The following MACROD2 variants were observed in gnomAD, a reference collection of about 807,000 sequenced individuals.
MACROD2 encodes mono-ADP ribosylhydrolase 2.
A neutral mutation model predicts 70.4 loss-of-function variants in MACROD2; 36 were observed. That is an observed-to-expected ratio of 0.51 (90% CI 0.39 to 0.68). MACROD2 has a LOEUF of 0.68. Among genes scored for constraint, MACROD2 ranks in the 30% least tolerant of loss-of-function variants. The pLI is 0.00. For synonymous variants in MACROD2, 172 were observed against 178.8 expected (o/e 0.96, Z 0.30); for missense variants, 496 against 538.4 (o/e 0.92, Z 0.78).
chr20:14,997,055 C>T (rs2074956083), intron 5 of MACROD2, among the ~76,000 whole-genome samples: 1 of 152,172 alleles, frequency 6.6e-6, no homozygotes, highest in African/African-American at 2.4e-5. Flanking sequence ...TAGTGAGACA[C>T]AAGCTGAGGC....
rs182890878 is a variant in MACROD2 at position 14,488,896 on chromosome 20, C to A, written c.272-4583C>A. On this transcript the variant is annotated intron_variant, in intron 3 of 17. Transcript: ENST00000684519. ...CAAACCAGGACCAGCTGTAGCTCCTCCCTTGTACTTTAACAACAGTAATTC... is the reference window on the plus strand; with the variant it reads ...CAAACCAGGACCAGCTGTAGCTCCTACCTTGTACTTTAACAACAGTAATTC... 5.3e-4 allele frequency among the ~76,000 whole-genome samples: 80 copies of A among 152,284 alleles called. 1 individual carries two copies. Among genetic ancestry groups the A allele is most frequent in the African/African-American group, 1.8e-3 (74 of 41,564 alleles).
chr20:14,873,403 T>C (rs2073512154), intron 5 of MACROD2, among the ~76,000 whole-genome samples: 1 of 152,174 alleles, frequency 6.6e-6, no homozygotes, highest in Non-Finnish European at 1.5e-5. Flanking sequence ...CGACTTTTGC[T>C]AGATGTAGCT....
intron 5 of MACROD2, among the ~76,000 whole-genome samples, chr20:15,103,830 G>A (rs190443735): frequency 2.5e-3 from 376 of 152,232 alleles, no homozygotes; most frequent in Non-Finnish European, 3.9e-3. Flanking sequence ...GCAGCCGTGA[G>A]CAGAACTGAA....
rs549046711 is a variant in MACROD2, at chr20:15,818,868, C to T, written c.646-43877C>T. 6.6e-5 allele frequency among the ~76,000 whole-genome samples: 10 copies of T among 152,220 alleles called. No homozygotes were observed. The East Asian group carries it at 7.7e-4, about 12-fold the overall frequency. ...GTTTGTTTCTCTCACCAAGAAGTCA[C>T]GAACTGTGGCTTTTTTTGGTTATGC... On this transcript the variant is annotated intron_variant, in intron 8 of 17. Coordinates refer to ENST00000684519, the MANE Select transcript of MACROD2 (RefSeq NM_001351661.2).
intron 4 of MACROD2, among the ~76,000 whole-genome samples, chr20:14,586,583 C>A (rs1315761958): frequency 5.3e-5 from 8 of 151,998 alleles, no homozygotes. Flanking sequence ...TTAACTGATT[C>A]TGAATAAAGA....
rs753771570 is a variant in MACROD2, at chr20:15,937,505, C to T, written c.868C>T (p.Pro290Ser). 7.4e-6 allele frequency: 12 copies of T among 1,613,370 alleles called. No homozygotes were observed. Among genetic ancestry groups the T allele is most frequent in the Non-Finnish European group, 1.0e-5 (12 of 1,179,540 alleles). ...DGVNTVTVPG[P>S]ASEEAVEDCK... ...TGTCAACACTGTCACTGTGCCCGGCCCTGCTTCAGAAGAGGCAGTTGAAGA... is the reference window on the plus strand; with the variant it reads ...TGTCAACACTGTCACTGTGCCCGGCTCTGCTTCAGAAGAGGCAGTTGAAGA... The change falls in exon 12 of 18, where the codon CCT becomes TCT. Residue 290 changes from proline (P) to serine (S), a missense_variant. By Grantham distance (74) the Pro-to-Ser change is moderately conservative. Transcript: ENST00000684519.
chr20:14,192,577 A>G (rs2081397426), intron 3 of MACROD2, among the ~76,000 whole-genome samples: 1 of 152,040 alleles, frequency 6.6e-6, no homozygotes, highest in Non-Finnish European at 1.5e-5. Flanking sequence ...CTGTTTAGGG[A>G]CTTTGGCCAT....
At chr20:15,500,559 T>C (rs919675616) in intron 8 of MACROD2, among the ~76,000 whole-genome samples, 2 of 152,232 alleles carry the variant, frequency 1.3e-5, no homozygotes, top group South Asian at 2.1e-4. Flanking sequence ...CACAGTCTTA[T>C]GCATTTTTCT....
chr20:15,507,701 C>T (rs576196106), intron 8 of MACROD2, among the ~76,000 whole-genome samples: 1 of 152,266 alleles, frequency 6.6e-6, no homozygotes, highest in South Asian at 2.1e-4. Flanking sequence ...TGTCACCATA[C>T]ACTGCCACAC....
intron 13 of MACROD2, among the ~76,000 whole-genome samples, chr20:15,972,568 G>A (rs111995325): frequency 0.012 from 1,788 of 152,294 alleles, 33 homozygotes; most frequent in African/African-American, 0.04. Context: ...CCAGCACTTT[G>A]GAAGGCTGAG....
chr20:14,453,674 G>A (rs62204402), intron 3 of MACROD2, among the ~76,000 whole-genome samples: 23,618 of 151,696 alleles, frequency 0.16, 2,623 homozygotes, highest in Non-Finnish European at 0.23. Context: ...TGTATTCCTC[G>A]TTATAAATGG....
rs373993185 is a variant in MACROD2 at position 16,041,230 on chromosome 20, G to A, written c.1183G>A (p.Gly395Arg). Residue 395 changes from glycine (G) to arginine (R), a missense_variant, in exon 16 of 18, where the codon GGG becomes AGG. Coordinates refer to ENST00000684519, the MANE Select transcript of MACROD2 (RefSeq NM_001351661.2). ...APGEDTPRMPGKSEGSSDLEN... is the reference protein window; with the variant it reads ...APGEDTPRMPRKSEGSSDLEN... ...AGGCGAGGACACACCTAGGATGCCT[G>A]GGAAAAGTGAAGGCTCCAGTGACCT... 9 of 1,612,094 alleles carry A rather than the reference G, an allele frequency of 5.6e-6. No homozygotes were observed. Among genetic ancestry groups the A allele is most frequent in the African/African-American group, 1.3e-5 (1 of 74,838 alleles).
At chr20:14,302,545 C>T (rs1461247682) in intron 3 of MACROD2, among the ~76,000 whole-genome samples, 1 of 152,080 alleles carries the variant, frequency 6.6e-6, no homozygotes, top group East Asian at 1.9e-4. Context: ...ACTTGCTTTA[C>T]ATGAGTGATT....
chr20:14,367,607 A>G (rs543609058), intron 3 of MACROD2, among the ~76,000 whole-genome samples: 34 of 152,186 alleles, frequency 2.2e-4, no homozygotes, highest in Admixed American at 2.0e-3. Flanking sequence ...AACTTCTTCT[A>G]TGATTTTGAT....
At position 14,472,045 on chromosome 20, in the gene MACROD2, C is replaced by A. The variant is rs530732435; in HGVS notation, c.272-21434C>A. Among the ~76,000 whole-genome samples the A allele has an allele frequency of 1.1e-4, 17 of 152,186 alleles. 1 individual carries two copies. Among genetic ancestry groups the A allele is most frequent in the Non-Finnish European group, 2.4e-4 (16 of 67,984 alleles). On this transcript the variant is annotated intron_variant, in intron 3 of 17. Transcript: ENST00000684519. ...TTATTAAAAGTATTTCCTTAAGAAC[C>A]AACTCAGGAAATCTTAATTAGCATT... is the stretch of plus-strand genomic sequence containing the variant.
intron 6 of MACROD2, among the ~76,000 whole-genome samples, chr20:15,346,102 T>TA (rs57491653): frequency 8.3e-6 from 1 of 120,656 alleles, no homozygotes; most frequent in Non-Finnish European, 1.9e-5. Flanking sequence ...TGGCCTAAGG[T>TA]AAAAATTTTT....
At chr20:14,895,313 AT>A in intron 5 of MACROD2, 1 of 152,272 alleles carries the variant, frequency 6.6e-6, no homozygotes, top group Non-Finnish European at 1.5e-5. Context: ...GGCCTGAGTT[AT>A]TGCTCTTCTA....
At chr20:15,510,384 A>G (rs1282407306) in intron 8 of MACROD2, among the ~76,000 whole-genome samples, 3 of 152,140 alleles carry the variant, frequency 2.0e-5, no homozygotes, top group Non-Finnish European at 4.4e-5. Context: ...CTCTACCTTG[A>G]TGGACTAGGA....
chr20:14,730,624 G>A (rs6110409), intron 5 of MACROD2, among the ~76,000 whole-genome samples: 1,655 of 152,186 alleles, frequency 0.011, 27 homozygotes, highest in African/African-American at 0.038. Flanking sequence ...GAATTTCTAC[G>A]TTATGCACTT....
Sources: allele counts gnomAD v4.1 joint callset (sites outside exome capture counted in the v4.1 genomes callset), GRCh38; gene constraint gnomAD v4.1.1; transcripts MANE v1.5; gene names NCBI Gene and HGNC (gene_info 2026-07-23, HGNC 2026-07-21).